The following HECW2 variants were observed in gnomAD, a reference collection of about 807,000 sequenced individuals.
HECW2 encodes the protein E3 ubiquitin-protein ligase HECW2.
In HECW2, 61 loss-of-function variants were observed where a neutral mutation model predicts 175.2. The ratio of observed to expected loss-of-function variants is 0.35; its 90% CI spans 0.28 to 0.43. The LOEUF is 0.43. Ranked by LOEUF, HECW2 falls within the 20% of genes least tolerant of loss-of-function variation. The pLI, the probability that HECW2 is intolerant of heterozygous loss-of-function variation, is 1.00. For synonymous variants in HECW2, 671 were observed against 731.0 expected (o/e 0.92, Z 1.32); for missense variants, 1,524 against 2,000.5 (o/e 0.76, Z 4.54).
chr2:196,527,573 G>T (rs1253488976), intron 1 of HECW2, among the ~76,000 whole-genome samples: 1 of 152,206 alleles, frequency 6.6e-6, no homozygotes, highest in Non-Finnish European at 1.5e-5. Context: ...CAGGTCTGAG[G>T]CAACGTTAAG....
chr2:196,347,668 T>C (rs1693007853), intron 2 of HECW2, among the ~76,000 whole-genome samples: 1 of 152,238 alleles, frequency 6.6e-6, no homozygotes, highest in Non-Finnish European at 1.5e-5. Flanking sequence ...GAGCAGAAGC[T>C]GGATGGGCCT....
intron 1 of HECW2, among the ~76,000 whole-genome samples, chr2:196,583,845 T>G (rs1231912669): frequency 9.9e-5 from 15 of 152,220 alleles, no homozygotes. Flanking sequence ...AGTTTCCATA[T>G]ATTTAGAGTG....
intron 1 of HECW2, among the ~76,000 whole-genome samples, chr2:196,557,768 T>C (rs1395853681): frequency 1.3e-5 from 2 of 152,236 alleles, no homozygotes; most frequent in East Asian, 3.8e-4. Context: ...TTGATTTGCT[T>C]ATGTAAAATA....
intron 2 of HECW2, among the ~76,000 whole-genome samples, chr2:196,368,403 C>A (rs919511109): frequency 2.0e-5 from 3 of 152,194 alleles, no homozygotes; most frequent in African/African-American, 7.2e-5. Flanking sequence ...CTTTTAGCAT[C>A]CTTTCTTTAT....
At chr2:196,220,195 G>T in intron 25 of HECW2, 42 bp from the exon 26 acceptor site, 1 of 1,258,322 alleles carries the variant, frequency 7.9e-7, no homozygotes. Context: ...TAGGAGCCTG[G>T]AGAAATATCA....
chr2:196,317,268 C>T lies in HECW2; in HGVS notation c.2434+6G>A, dbSNP rs376334623. 510 of 1,606,960 alleles carry T rather than the reference C, an allele frequency of 3.2e-4. No homozygotes were observed. Among genetic ancestry groups the T allele is most frequent in the Non-Finnish European group, 4.1e-4 (481 of 1,175,422 alleles). Reference sequence around the variant, plus strand: ...AGGTGGGCCCTTTTAACTAACAGGTCCTCACTTGGTGGGAGAGCCTCGTCC... The same window carrying T: ...AGGTGGGCCCTTTTAACTAACAGGTTCTCACTTGGTGGGAGAGCCTCGTCC... On this transcript the variant is annotated splice_donor_region_variant and intron_variant, in intron 10 of 28. Transcript: ENST00000644978.
At chr2:196,281,110 T>C (rs1444398344) in intron 14 of HECW2, among the ~76,000 whole-genome samples, 2 of 152,216 alleles carry the variant, frequency 1.3e-5, no homozygotes, top group Non-Finnish European at 2.9e-5. Context: ...GATTTGTATG[T>C]AGTGTCATAG....
intron 1 of HECW2, among the ~76,000 whole-genome samples, chr2:196,560,668 G>A (rs552094050): frequency 3.3e-5 from 5 of 151,986 alleles, no homozygotes; most frequent in African/African-American, 7.2e-5. Context: ...AGTGGACTCT[G>A]CAGACATTTC....
At chr2:196,490,352 C>T (rs900507806) in intron 1 of HECW2, among the ~76,000 whole-genome samples, 5 of 152,194 alleles carry the variant, frequency 3.3e-5, no homozygotes, top group African/African-American at 1.2e-4. Flanking sequence ...ATCAGCCACA[C>T]TATCTGTCAC....
chr2:196,387,863 C>T (rs1197333403), intron 2 of HECW2, among the ~76,000 whole-genome samples: 1 of 152,160 alleles, frequency 6.6e-6, no homozygotes, highest in East Asian at 1.9e-4. Flanking sequence ...TTGGGAATAT[C>T]ATTTAGCAAC....
intron 1 of HECW2, among the ~76,000 whole-genome samples, chr2:196,557,785 T>C (rs972436988): frequency 1.3e-5 from 2 of 152,218 alleles, no homozygotes; most frequent in African/African-American, 2.4e-5. Flanking sequence ...AATATATGCA[T>C]GTAGGGAAAC....
intron 1 of HECW2, among the ~76,000 whole-genome samples, chr2:196,479,972 A>T (rs1686787160): frequency 1.3e-5 from 2 of 152,304 alleles, no homozygotes; most frequent in Middle Eastern, 3.4e-3. Flanking sequence ...TGCCTAGTAA[A>T]TTAAATGCTT....
intron 2 of HECW2, among the ~76,000 whole-genome samples, chr2:196,396,070 C>T (rs748785444): frequency 7.2e-5 from 11 of 152,146 alleles, no homozygotes; most frequent in Non-Finnish European, 1.6e-4. Context: ...TATGCTACAA[C>T]ATGGATGAAC....
chr2:196,442,743 T>C lies in HECW2; in HGVS notation c.-35-9285A>G, dbSNP rs184227459. Among the ~76,000 whole-genome samples, 7 of 152,302 alleles carry C rather than the reference T, an allele frequency of 4.6e-5. No homozygotes were observed. In the East Asian group the frequency reaches 1.2e-3, roughly 25 times the overall value. Reference sequence around the variant, plus strand: ...AATAACACACATAGAAAAAAGAGTATACTTTTTCAAGTTATAGACAGTGGG... The same window carrying C: ...AATAACACACATAGAAAAAAGAGTACACTTTTTCAAGTTATAGACAGTGGG... On this transcript the variant is annotated intron_variant, in intron 1 of 28. Transcript: ENST00000644978.
chr2:196,374,834 T>TAAA, intron 2 of HECW2, among the ~76,000 whole-genome samples: 1 of 113,354 alleles, frequency 8.8e-6, no homozygotes, highest in East Asian at 2.4e-4. Flanking sequence ...AAGGGAAGAG[T>TAAA]AAAAAAAAAA....
intron 2 of HECW2, among the ~76,000 whole-genome samples, chr2:196,399,615 C>G (rs1418217141): frequency 1.3e-5 from 2 of 152,188 alleles, no homozygotes; most frequent in Non-Finnish European, 2.9e-5. Flanking sequence ...TGATACCCAT[C>G]TGACATAACC....
intron 1 of HECW2, among the ~76,000 whole-genome samples, chr2:196,477,662 A>C: frequency 6.6e-6 from 1 of 152,220 alleles, no homozygotes; most frequent in Non-Finnish European, 1.5e-5. Flanking sequence ...TCTGAATAAA[A>C]CTGACAGAAA....
rs777097000 is a variant in HECW2, at chr2:196,319,815, C to T, written c.1075G>A (p.Gly359Arg). 3.7e-6 allele frequency: 6 copies of T among 1,614,210 alleles called. No homozygotes were observed. The South Asian group carries it at 6.6e-5, about 18-fold the overall frequency. The stretch of plus-strand genomic sequence containing the variant: ...CACACCTGGCTGTCGTGATGGCTCC[C>T]TGGCATGTCCTCGTCATCGGAAGGG... ...GSPSDDEDMP[G>R]SHHDSQVCSN... Residue 359 changes from glycine to arginine, a missense_variant, in exon 9 of 29, where the codon GGG becomes AGG. Physicochemically the swap from Gly to Arg is moderately radical, Grantham distance 125. Transcript: ENST00000644978.
intron 2 of HECW2, among the ~76,000 whole-genome samples, chr2:196,395,369 T>C (rs1318538722): frequency 2.6e-5 from 4 of 152,030 alleles, no homozygotes; most frequent in African/African-American, 7.2e-5. Flanking sequence ...TTGGACTTCA[T>C]CAAAATTTAA....
Sources: allele counts gnomAD v4.1 joint callset (sites outside exome capture counted in the v4.1 genomes callset), GRCh38; gene constraint gnomAD v4.1.1; transcripts MANE v1.5; gene names NCBI Gene and HGNC (gene_info 2026-07-23, HGNC 2026-07-21).